CAMK1D: variants seen among roughly 807,000 people sequenced by gnomAD.
The protein encoded by CAMK1D is calcium/calmodulin dependent protein kinase ID.
In CAMK1D, 9 loss-of-function variants were observed where a neutral mutation model predicts 47.7. The observed-to-expected ratio is 0.19, with a 90% CI of 0.11 to 0.33. The LOEUF (loss-of-function observed/expected upper bound fraction) is 0.33. CAMK1D is among the 10% of genes least tolerant of loss of function. The pLI is 1.00. For missense variants in CAMK1D, 291 were observed against 488.7 expected (o/e 0.60, Z 3.81); for synonymous variants, 184 against 184.9 (o/e 0.99, Z 0.04).
At chr10:12,824,668 A>T in intron 9 of CAMK1D, 116 bp downstream of exon 9, 1 of 761,760 alleles carries the variant, frequency 1.3e-6, no homozygotes, top group South Asian at 1.6e-5. Context: ...GCTAATTTTA[A>T]CTGCAAGTAA....
chr10:12,460,056 GTTA>G (rs1462960064), intron 1 of CAMK1D, among the ~76,000 whole-genome samples: 1 of 152,124 alleles, frequency 6.6e-6, no homozygotes, highest in Non-Finnish European at 1.5e-5. Context: ...CTGTGATCTA[GTTA>G]TGAAAACACC....
chr10:12,742,324 G>T (rs1174315492), intron 3 of CAMK1D, among the ~76,000 whole-genome samples: 1 of 151,968 alleles, frequency 6.6e-6, no homozygotes, highest in Non-Finnish European at 1.5e-5. Flanking sequence ...TAGTAGAGAC[G>T]GGGTCTCACC....
At chr10:12,643,280 C>T (rs1290600301) in intron 2 of CAMK1D, among the ~76,000 whole-genome samples, 1 of 152,192 alleles carries the variant, frequency 6.6e-6, no homozygotes, top group African/African-American at 2.4e-5. Context: ...GGATTACAGG[C>T]GTGAGCCATC....
chr10:12,523,610 C>T (rs893753128), intron 1 of CAMK1D, among the ~76,000 whole-genome samples: 2 of 152,146 alleles, frequency 1.3e-5, no homozygotes, highest in Non-Finnish European at 2.9e-5. Flanking sequence ...TCAGGCGTGG[C>T]GGATCACGCC....
At chr10:12,514,283 TATA>T (rs1835124663) in intron 1 of CAMK1D, among the ~76,000 whole-genome samples, 1 of 152,352 alleles carries the variant, frequency 6.6e-6, no homozygotes, top group East Asian at 1.9e-4. Flanking sequence ...ATATATTGCT[TATA>T]ATATCACACT....
Position 12,694,084 on chromosome 10 carries a change from T to C in CAMK1D, c.299+27274T>C, listed in dbSNP as rs866912647. Among the ~76,000 whole-genome samples, 144 of 28,828 alleles carry C rather than the reference T, an allele frequency of 5.0e-3. 16 individuals carry two copies. The highest frequency in any genetic ancestry group is 0.014 in the African/African-American group (95 of 6,598). The allele number at this position is 28,828 out of a possible 152,430, so 18.9% of individuals were successfully genotyped here. On this transcript the variant is annotated intron_variant, in intron 3 of 10. Coordinates refer to ENST00000619168, the MANE Select transcript of CAMK1D (RefSeq NM_153498.4). ...TATATAATATATAAAAAATATTATG[T>C]ATAATATATATTATATAATATATAA...
At chr10:12,823,400 A>C (rs545254210) in intron 8 of CAMK1D, among the ~76,000 whole-genome samples, 1 of 152,178 alleles carries the variant, frequency 6.6e-6, no homozygotes. Context: ...ATCAAAGCCC[A>C]GGAAAGACTG....
chr10:12,590,983 T>C (rs1250228902), intron 2 of CAMK1D, among the ~76,000 whole-genome samples: 1 of 152,216 alleles, frequency 6.6e-6, no homozygotes, highest in African/African-American at 2.4e-5. Context: ...TCTTTATGCC[T>C]CCGATTTTCC....
At chr10:12,584,683 G>C (rs1837763583) in intron 2 of CAMK1D, among the ~76,000 whole-genome samples, 1 of 152,164 alleles carries the variant, frequency 6.6e-6, no homozygotes, top group Admixed American at 6.5e-5. Flanking sequence ...AGCCGGGCGT[G>C]GTGGCGTGCA....
chr10:12,525,051 A>T (rs796497348), intron 1 of CAMK1D, among the ~76,000 whole-genome samples: 7 of 151,910 alleles, frequency 4.6e-5, no homozygotes, highest in Admixed American at 4.6e-4. Flanking sequence ...ATTTTTTTCC[A>T]TTGTCTTCTG....
intron 2 of CAMK1D, among the ~76,000 whole-genome samples, chr10:12,615,729 CAT>C (rs909376928): frequency 2.7e-5 from 4 of 149,870 alleles, no homozygotes; most frequent in African/African-American, 9.8e-5. Flanking sequence ...TGTGAGTGTG[CAT>C]GTGTGTGGGG....
chr10:12,574,468 A>ATTTTTTT (rs1171556305), intron 2 of CAMK1D, among the ~76,000 whole-genome samples: 8 of 61,376 alleles, frequency 1.3e-4, no homozygotes, highest in African/African-American at 3.7e-4. Flanking sequence ...CGCCTAGCTA[A>ATTTTTTT]TTTTTTTTTT....
intron 1 of CAMK1D, among the ~76,000 whole-genome samples, chr10:12,499,915 A>G (rs1228198409): frequency 1.3e-5 from 2 of 152,200 alleles, no homozygotes; most frequent in South Asian, 2.1e-4. Context: ...ATTTAGGACC[A>G]TGACAGCACC....
chr10:12,430,288 A>G (rs1410904369), intron 1 of CAMK1D, among the ~76,000 whole-genome samples: 1 of 152,006 alleles, frequency 6.6e-6, no homozygotes, highest in African/African-American at 2.4e-5. Flanking sequence ...ATAATTCCCA[A>G]ATGAACACGA....
chr10:12,659,965 A>G (rs537087902), intron 2 of CAMK1D, among the ~76,000 whole-genome samples: 2 of 152,182 alleles, frequency 1.3e-5, no homozygotes, highest in Non-Finnish European at 2.9e-5. Context: ...TTGCAGGGCA[A>G]TCTGTGCCTC....
Position 12,574,207 on chromosome 10 carries a change from G to A in CAMK1D, c.224+20851G>A, listed in dbSNP as rs578249086. The stretch of plus-strand genomic sequence containing the variant: ...CACTGGGCCCTGTTGACCACTTCTT[G>A]ACCACCAACCCCTTCTTAAAACTCA... On this transcript the variant is annotated intron_variant, in intron 2 of 10. Coordinates refer to ENST00000619168, the MANE Select transcript of CAMK1D (RefSeq NM_153498.4). Among the ~76,000 whole-genome samples, 18 of 152,098 alleles carry A rather than the reference G, an allele frequency of 1.2e-4. No homozygotes were observed. In the South Asian group the frequency reaches 1.2e-3, roughly 11 times the overall value.
intron 1 of CAMK1D, among the ~76,000 whole-genome samples, chr10:12,546,662 G>A (rs961735053): frequency 6.6e-5 from 10 of 152,072 alleles, no homozygotes; most frequent in African/African-American, 2.4e-4. Context: ...CCTTTGTAGG[G>A]ACATGGATGA....
At chr10:12,807,162 G>C (rs1448412907) in intron 6 of CAMK1D, among the ~76,000 whole-genome samples, 1 of 152,204 alleles carries the variant, frequency 6.6e-6, no homozygotes, top group Non-Finnish European at 1.5e-5. Context: ...ACCTTCACCT[G>C]AATCTCTCAC....
chr10:12,813,735 G>A (rs1832695073), intron 6 of CAMK1D, among the ~76,000 whole-genome samples: 2 of 152,066 alleles, frequency 1.3e-5, no homozygotes, highest in Non-Finnish European at 2.9e-5. Context: ...AACACACGCG[G>A]TACAGATTTT....
Sources: allele counts gnomAD v4.1 joint callset (sites outside exome capture counted in the v4.1 genomes callset), GRCh38; gene constraint gnomAD v4.1.1; transcripts MANE v1.5; gene names NCBI Gene and HGNC (gene_info 2026-07-23, HGNC 2026-07-21).